The following KCNB2 variants were observed in gnomAD, a reference collection of about 807,000 sequenced individuals.
KCNB2 encodes potassium voltage-gated channel subfamily B member 2, also known as delayed rectifier potassium channel protein.
Under a neutral mutation model 61.5 loss-of-function variants are expected in KCNB2, and 15 were observed. The ratio of observed to expected loss-of-function variants is 0.24; its 90% CI spans 0.16 to 0.38. KCNB2 has a LOEUF of 0.38. Among genes scored for constraint, KCNB2 ranks in the 10% least tolerant of loss-of-function variants. The pLI is 1.00. For missense variants in KCNB2, 828 were observed against 1,125.2 expected, an observed-to-expected ratio of 0.74 and a Z score of 3.78; for synonymous variants, 457 against 446.0, an observed-to-expected ratio of 1.02 and a Z score of -0.31.
At chr8:72,762,114 G>A (rs899952076) in intron 2 of KCNB2, among the ~76,000 whole-genome samples, 45 of 152,244 alleles carry the variant, frequency 3.0e-4, no homozygotes, top group African/African-American at 1.0e-3. Context: ...TCTGAGTAGC[G>A]CCACCCTCCT....
intron 2 of KCNB2, among the ~76,000 whole-genome samples, chr8:72,865,790 C>T (rs1199659118): frequency 1.3e-5 from 2 of 152,160 alleles, no homozygotes; most frequent in Non-Finnish European, 2.9e-5. Context: ...GTCACCTCCT[C>T]AGCAAAACAT....
In KCNB2 at chr8:72,930,664, T is replaced by C. The variant is rs553277651; in HGVS notation, c.580-5271T>C. On this transcript the variant is annotated intron_variant, in intron 2 of 2. Transcript: ENST00000523207. ...GGGTTGTTTGTTTTTTTCTTGTAAA[T>C]TTGTTTGAGTTCATTGTAGATTCTG... is the stretch of plus-strand genomic sequence containing the variant. Among the ~76,000 whole-genome samples, 62 of 152,362 alleles carry C rather than the reference T, an allele frequency of 4.1e-4. No individual in the cohort carries two copies. The East Asian group carries it at 0.011, about 27-fold the overall frequency.
chr8:72,593,349 A>G (rs1304300890), intron 2 of KCNB2, among the ~76,000 whole-genome samples: 2 of 152,152 alleles, frequency 1.3e-5, no homozygotes, highest in African/African-American at 4.8e-5. Context: ...TTGTTTTGGG[A>G]GCTGTAGACA....
chr8:72,836,955 T>G (rs552162281), intron 2 of KCNB2, among the ~76,000 whole-genome samples: 1 of 152,280 alleles, frequency 6.6e-6, no homozygotes, highest in East Asian at 1.9e-4. Context: ...GCTTTCTCCT[T>G]TTGTGCAGGT....
At chr8:72,691,487 GT>G (rs1018240790) in intron 2 of KCNB2, among the ~76,000 whole-genome samples, 1 of 152,178 alleles carries the variant, frequency 6.6e-6, no homozygotes, top group Admixed American at 6.5e-5. Context: ...GTAACTGGTA[GT>G]TTTTTTTCAC....
chr8:72,905,667 G>T (rs1322555399), intron 2 of KCNB2, among the ~76,000 whole-genome samples: 1 of 152,142 alleles, frequency 6.6e-6, no homozygotes, highest in Non-Finnish European at 1.5e-5. Context: ...CTGTCTGTTA[G>T]CAAGTAGAGC....
chr8:72,693,065 A>C lies in KCNB2; in HGVS notation c.579+124752A>C, dbSNP rs151264939. ...ATTATCATAATATTGTGATATCATTAGCCTGTGACAGCTGTCTTCTGGCCA... is the reference window on the plus strand; with the variant it reads ...ATTATCATAATATTGTGATATCATTCGCCTGTGACAGCTGTCTTCTGGCCA... On this transcript the variant is annotated intron_variant, in intron 2 of 2. Transcript: ENST00000523207. Among the ~76,000 whole-genome samples the C allele has an allele frequency of 2.1e-3, 320 of 152,314 alleles. 3 individuals are homozygous for C. The highest frequency in any genetic ancestry group is 7.2e-3 in the African/African-American group (301 of 41,570).
At chr8:72,889,015 A>T (rs764876683) in intron 2 of KCNB2, among the ~76,000 whole-genome samples, 1 of 152,182 alleles carries the variant, frequency 6.6e-6, no homozygotes, top group East Asian at 1.9e-4. Flanking sequence ...TGTCACCTGA[A>T]GGAAATGTTC....
chr8:72,557,637 G>T (rs755904161), intron 1 of KCNB2, among the ~76,000 whole-genome samples: 1 of 152,124 alleles, frequency 6.6e-6, no homozygotes, highest in Admixed American at 6.5e-5. Context: ...TAATCACACA[G>T]AAATCTCACA....
rs143538924 is a variant in KCNB2, at chr8:72,567,981, A to C, written c.247A>C (p.Asn83His). 64 of 1,613,988 alleles carry C rather than the reference A, an allele frequency of 4.0e-5. No individual in the cohort carries two copies. The highest frequency in any genetic ancestry group is 5.3e-5 in the Non-Finnish European group (63 of 1,180,020). The change falls in exon 2 of 3, where the codon AAC (asparagine) becomes CAC (histidine). Residue 83 changes from asparagine (N) to histidine (H), a missense_variant. Physicochemically the swap from Asn to His is moderately conservative, Grantham distance 68. Transcript: ENST00000523207. ...LLEVCDDYNL[N>H]ENEYFFDRHP... is the part of the protein sequence containing the mutation. ...GGAAGTGTGCGACGACTATAATCTG[A>C]ACGAGAACGAGTATTTCTTTGATCG...
At chr8:72,625,357 T>A (rs1420238781) in intron 2 of KCNB2, among the ~76,000 whole-genome samples, 1 of 152,218 alleles carries the variant, frequency 6.6e-6, no homozygotes. Flanking sequence ...TTCATCTCAA[T>A]TATAATTTCA....
chr8:72,874,732 T>C (rs1421533483), intron 2 of KCNB2: 1 of 152,230 alleles, frequency 6.6e-6, no homozygotes, highest in Admixed American at 6.5e-5. Flanking sequence ...ATCACCTTTG[T>C]GTCAGGAGCA....
chr8:72,711,512 G>T (rs1366234430), intron 2 of KCNB2, among the ~76,000 whole-genome samples: 1 of 152,122 alleles, frequency 6.6e-6, no homozygotes, highest in Non-Finnish European at 1.5e-5. Flanking sequence ...CATATAGGAG[G>T]GAAACCCTTG....
chr8:72,676,749 A>G (rs1357197451), intron 2 of KCNB2, among the ~76,000 whole-genome samples: 1 of 152,116 alleles, frequency 6.6e-6, no homozygotes, highest in Non-Finnish European at 1.5e-5. Context: ...TAACTTTCCA[A>G]TGCTGTTGCC....
rs556255533 is a variant in KCNB2, at chr8:72,735,417, G to C, written c.579+167104G>C. Reference sequence around the variant, plus strand: ...GCAATAATTTCCTATTTCCCCGCAAGAAATCTGTACATCACCCTTGATACT... The same window carrying C: ...GCAATAATTTCCTATTTCCCCGCAACAAATCTGTACATCACCCTTGATACT... On this transcript the variant is annotated intron_variant, in intron 2 of 2. Transcript: ENST00000523207. 7.3e-4 allele frequency among the ~76,000 whole-genome samples: 111 copies of C among 152,270 alleles called. 1 individual carries two copies. Among genetic ancestry groups the C allele is most frequent in the Non-Finnish European group, 1.4e-3 (97 of 68,016 alleles).
chr8:72,871,328 G>T (rs1215889234), intron 2 of KCNB2, among the ~76,000 whole-genome samples: 1 of 152,150 alleles, frequency 6.6e-6, no homozygotes, highest in Non-Finnish European at 1.5e-5. Context: ...ATTAACAAAT[G>T]AATGCATACC....
chr8:72,886,773 C>T lies in KCNB2; in HGVS notation c.580-49162C>T, dbSNP rs79963204. Among the ~76,000 whole-genome samples, 91 of 152,372 alleles carry T rather than the reference C, an allele frequency of 6.0e-4. No individual in the cohort carries two copies. The East Asian group carries it at 0.014, about 24-fold the overall frequency. ...AATAGTAGCGATTTAAACAGATCAT[C>T]AGCTTCTTGCATCGCAGTGGCAGCT... On this transcript the variant is annotated intron_variant, in intron 2 of 2. Transcript: ENST00000523207.
chr8:72,647,792 A>G (rs758359326), intron 2 of KCNB2, among the ~76,000 whole-genome samples: 1 of 152,194 alleles, frequency 6.6e-6, no homozygotes, highest in Non-Finnish European at 1.5e-5. Flanking sequence ...GCTGTCAATT[A>G]TCTAAGTTAG....
chr8:72,713,327 C>T lies in KCNB2; in HGVS notation c.579+145014C>T, dbSNP rs550731040. ...GAAGAGAATAGTGGTTCTCCCAGCA[C>T]GCAGCTTGAGATCTGAGAACGGGCA... On this transcript the variant is annotated intron_variant, in intron 2 of 2. Coordinates refer to ENST00000523207, the MANE Select transcript of KCNB2 (RefSeq NM_004770.3). 3.9e-5 allele frequency among the ~76,000 whole-genome samples: 6 copies of T among 152,306 alleles called. No individual in the cohort carries two copies. The East Asian group carries it at 7.7e-4, about 20-fold the overall frequency.
Sources: allele counts gnomAD v4.1 joint callset (sites outside exome capture counted in the v4.1 genomes callset), GRCh38; gene constraint gnomAD v4.1.1; transcripts MANE v1.5; gene names NCBI Gene and HGNC (gene_info 2026-07-23, HGNC 2026-07-21).